The following WDFY2 variants were observed in gnomAD, a reference collection of about 807,000 sequenced individuals.
WDFY2 encodes WD repeat and FYVE domain containing 2.
WDFY2 carries 36 observed loss-of-function variants against 56.4 expected under a neutral mutation model. The observed-to-expected ratio is 0.64, with a 90% CI of 0.49 to 0.84. The LOEUF (loss-of-function observed/expected upper bound fraction) is 0.84. Among genes scored for constraint, WDFY2 ranks in the 40% least tolerant of loss-of-function variants. The pLI, the probability that WDFY2 is intolerant of heterozygous loss-of-function variation, is 0.00. For missense variants in WDFY2, 444 were observed against 512.2 expected (o/e 0.87, Z 1.29); for synonymous variants, 176 against 183.7 (o/e 0.96, Z 0.34).
intron 6 of WDFY2, among the ~76,000 whole-genome samples, chr13:51,733,040 T>C (rs937089923): frequency 1.3e-5 from 2 of 152,064 alleles, no homozygotes; most frequent in Admixed American, 6.5e-5. Context: ...TAAGTGTGTT[T>C]TTGTTTTTGT....
At chr13:51,626,576 A>C (rs1954839000) in intron 1 of WDFY2, among the ~76,000 whole-genome samples, 1 of 152,198 alleles carries the variant, frequency 6.6e-6, no homozygotes, top group Non-Finnish European at 1.5e-5. Flanking sequence ...TTGTATATCA[A>C]ATATAATTAA....
At chr13:51,724,081 C>T (rs552663080) in intron 5 of WDFY2, among the ~76,000 whole-genome samples, 3 of 151,518 alleles carry the variant, frequency 2.0e-5, no homozygotes, top group African/African-American at 7.3e-5. Context: ...TTTTTGAGCA[C>T]TATTATGAAA....
intron 1 of WDFY2, among the ~76,000 whole-genome samples, chr13:51,605,107 C>T (rs748008053): frequency 3.3e-5 from 5 of 152,212 alleles, no homozygotes; most frequent in Admixed American, 6.5e-5. Context: ...GAGAATGCCG[C>T]GGAAGCTGGC....
At chr13:51,610,278 A>G (rs1217772062) in intron 1 of WDFY2, among the ~76,000 whole-genome samples, 1 of 141,194 alleles carries the variant, frequency 7.1e-6, no homozygotes, top group Non-Finnish European at 1.5e-5. Context: ...CCCACCATCT[A>G]TCCCTTTTCG....
At chr13:51,710,180 C>G (rs1031562044) in intron 4 of WDFY2, among the ~76,000 whole-genome samples, 1 of 152,140 alleles carries the variant, frequency 6.6e-6, no homozygotes, top group Admixed American at 6.5e-5. Flanking sequence ...GAACCAAAGA[C>G]AAAACCCACA....
At position 51,715,166 on chromosome 13, in the gene WDFY2, T is replaced by G. The variant is rs1358799388; in HGVS notation, c.335-4032T>G. On this transcript the variant is annotated intron_variant, in intron 4 of 11. Transcript: ENST00000298125. ...TTACTGTACACTACTGTAGACTTCA[T>G]AAACACTGTACACTTAGGCTATTAA... Among the ~76,000 whole-genome samples, 3 of 152,198 alleles carry G rather than the reference T, an allele frequency of 2.0e-5. No individual in the cohort carries two copies. In the East Asian group the frequency reaches 5.8e-4, roughly 29 times the overall value.
chr13:51,622,926 C>T lies in WDFY2; in HGVS notation c.138-37670C>T, dbSNP rs547223851. Among the ~76,000 whole-genome samples the T allele has an allele frequency of 4.3e-4, 63 of 145,590 alleles. 1 individual carries two copies. The highest frequency in any genetic ancestry group is 3.2e-3 in the South Asian group (15 of 4,652). On this transcript the variant is annotated intron_variant, in intron 1 of 11. Coordinates refer to ENST00000298125, the MANE Select transcript of WDFY2 (RefSeq NM_052950.4). ...AGGCTGGAGTGTGGTGGTACGATCTCGGCTCACTGCAGCCTCCACCTCCCG... is the reference window on the plus strand; with the variant it reads ...AGGCTGGAGTGTGGTGGTACGATCTTGGCTCACTGCAGCCTCCACCTCCCG...
In WDFY2 at chr13:51,619,026, G is replaced by A. The variant is rs558247605; in HGVS notation, c.137+34202G>A. 2.6e-4 allele frequency among the ~76,000 whole-genome samples: 40 copies of A among 152,350 alleles called. No individual in the cohort carries two copies. The South Asian group carries it at 7.9e-3, about 30-fold the overall frequency. ...GCTCTGAAAATGCTATTACTCTAAT[G>A]GTGAGCTGCAGAGCTCCAAGTAGGA... On this transcript the variant is annotated intron_variant, in intron 1 of 11. Coordinates refer to ENST00000298125, the MANE Select transcript of WDFY2 (RefSeq NM_052950.4).
At chr13:51,695,114 G>A (rs1213479105) in intron 3 of WDFY2, among the ~76,000 whole-genome samples, 28 of 152,016 alleles carry the variant, frequency 1.8e-4, no homozygotes, top group Admixed American at 1.8e-3. Context: ...CAACTTCTTT[G>A]CCTTTGGCTT....
At chr13:51,755,559 G>A in intron 9 of WDFY2, 100 bp downstream of exon 9, 1 of 1,156,616 alleles carries the variant, frequency 8.6e-7, no homozygotes, top group Non-Finnish European at 1.3e-6. Context: ...GTTGTGGTGA[G>A]GGTAAATTAT....
chr13:51,706,979 A>G lies in WDFY2; in HGVS notation c.334+3329A>G, dbSNP rs757494762. ...ATTGAAGAAAAAAGTTTCAGGAACA[A>G]CAAGGAAATAAAACGATTATGGAAA... On this transcript the variant is annotated intron_variant, in intron 4 of 11. Coordinates refer to ENST00000298125, the MANE Select transcript of WDFY2 (RefSeq NM_052950.4). 3.8e-4 allele frequency among the ~76,000 whole-genome samples: 58 copies of G among 152,218 alleles called. 1 individual carries two copies. The highest frequency in any genetic ancestry group is 7.3e-5 in the Non-Finnish European group (5 of 68,040).
In WDFY2 at chr13:51,696,795, C is replaced by A. The variant is rs372112923; in HGVS notation, c.280-6801C>A. Reference sequence around the variant, plus strand: ...AATCTATCAAGAAGAATGTTGTAAGCTTAAAAGAATGGAAGTCATAAACGA... The same window carrying A: ...AATCTATCAAGAAGAATGTTGTAAGATTAAAAGAATGGAAGTCATAAACGA... On this transcript the variant is annotated intron_variant, in intron 3 of 11. Coordinates refer to ENST00000298125, the MANE Select transcript of WDFY2 (RefSeq NM_052950.4). Among the ~76,000 whole-genome samples the A allele has an allele frequency of 3.3e-5, 5 of 152,110 alleles. No individual in the cohort carries two copies. In the South Asian group the frequency reaches 1.0e-3, roughly 32 times the overall value.
At chr13:51,618,489 G>A (rs1042924871) in intron 1 of WDFY2, among the ~76,000 whole-genome samples, 15 of 152,240 alleles carry the variant, frequency 9.9e-5, no homozygotes, top group African/African-American at 3.4e-4. Flanking sequence ...GCCTGTGTAT[G>A]TGGATGAATA....
chr13:51,640,145 CA>C (rs1327444698), intron 1 of WDFY2, among the ~76,000 whole-genome samples: 2 of 152,218 alleles, frequency 1.3e-5, no homozygotes, highest in Middle Eastern at 3.4e-3. Flanking sequence ...GATATTAAAT[CA>C]ATTCAGATTG....
At chr13:51,658,708 T>G (rs1041934660) in intron 1 of WDFY2, among the ~76,000 whole-genome samples, 1 of 152,212 alleles carries the variant, frequency 6.6e-6, no homozygotes, top group Non-Finnish European at 1.5e-5. Context: ...AATGCCGATA[T>G]GCGTATCGCT....
intron 1 of WDFY2, among the ~76,000 whole-genome samples, chr13:51,649,231 T>A (rs1955320274): frequency 6.6e-6 from 1 of 152,194 alleles, no homozygotes; most frequent in Non-Finnish European, 1.5e-5. Context: ...TATTTTTAGA[T>A]GAGCATTGTC....
At chr13:51,693,787 C>A (rs1170577906) in intron 3 of WDFY2, among the ~76,000 whole-genome samples, 64 of 152,090 alleles carry the variant, frequency 4.2e-4, no homozygotes, top group South Asian at 1.4e-3. Flanking sequence ...GTGGGGTGTT[C>A]AAGTCTCCCA....
In WDFY2 at chr13:51,767,188, A is replaced by G. The variant is rs1370929476; in HGVS notation, c.*7419A>G. ...CACCAAGTGACCTGCATGCTATGGA[A>G]TCACCGTTGAGGGGGTGGCTGGGTT... On this transcript the variant is annotated 3_prime_UTR_variant, in exon 12 of 12. Coordinates refer to ENST00000298125, the MANE Select transcript of WDFY2 (RefSeq NM_052950.4). 2.0e-5 allele frequency: 3 copies of G among 152,276 alleles called. No homozygotes were observed. The highest frequency in any genetic ancestry group is 4.4e-5 in the Non-Finnish European group (3 of 68,052). The allele number at this position is 152,276 out of a possible 1,614,324, so 9.4% of individuals were successfully genotyped here.
At chr13:51,643,028 C>A (rs1042102369) in intron 1 of WDFY2, among the ~76,000 whole-genome samples, 3 of 152,126 alleles carry the variant, frequency 2.0e-5, no homozygotes, top group Admixed American at 2.0e-4. Context: ...ATGAAGACTA[C>A]AGTTGTGGAG....
Sources: gnomAD v4.1 joint callset for allele counts (sites outside exome capture counted in the v4.1 genomes callset) on GRCh38, gnomAD v4.1.1 for gene constraint, MANE v1.5 for transcripts, NCBI Gene and HGNC (gene_info 2026-07-23, HGNC 2026-07-21) for gene names.